VAC14: variants seen among roughly 807,000 people sequenced by gnomAD.
The protein encoded by VAC14 is VAC14 component of PIKFYVE complex.
In VAC14, 47 loss-of-function variants were observed where a neutral mutation model predicts 85.3. The observed-to-expected ratio is 0.55, with a 90% CI of 0.44 to 0.70. The LOEUF is 0.70. Among genes scored for constraint, VAC14 ranks in the 30% least tolerant of loss-of-function variants. The pLI, the probability that VAC14 is intolerant of heterozygous loss-of-function variation, is 0.00. For missense variants in VAC14, 861 were observed against 1,004.3 expected (o/e 0.86, Z 1.93); for synonymous variants, 447 against 430.5 (o/e 1.04, Z -0.47).
intron 10 of VAC14, chr16:70,768,839 C>A (rs530506142): frequency 2.2e-6 from 1 of 453,726 alleles, no homozygotes; most frequent in Non-Finnish European, 4.4e-6. Context: ...CTCGCTCTGT[C>A]ACCCAGGCTA....
chr16:70,800,616 G>T (rs2034746683), intron 1 of VAC14, among the ~76,000 whole-genome samples, 181 bp downstream of exon 1: 1 of 152,214 alleles, frequency 6.6e-6, no homozygotes, highest in African/African-American at 2.4e-5. Flanking sequence ...AAATCACACA[G>T]CCAGTCAGGA....
chr16:70,749,683 T>C (rs952077589), intron 12 of VAC14, among the ~76,000 whole-genome samples: 1 of 151,994 alleles, frequency 6.6e-6, no homozygotes, highest in Non-Finnish European at 1.5e-5. Flanking sequence ...GCCACCAAGA[T>C]GGAGGGCAAG....
At chr16:70,782,221 A>G (rs1310473897) in intron 7 of VAC14, among the ~76,000 whole-genome samples, 1 of 152,240 alleles carries the variant, frequency 6.6e-6, no homozygotes, top group Admixed American at 6.5e-5. Flanking sequence ...CTGTAAGGGC[A>G]GCCGCATCCC....
At chr16:70,700,548 G>A (rs892412909) in intron 14 of VAC14, among the ~76,000 whole-genome samples, 2 of 152,180 alleles carry the variant, frequency 1.3e-5, no homozygotes, top group Non-Finnish European at 2.9e-5. Flanking sequence ...CTGAGGACGA[G>A]GAACAAGCCA....
intron 14 of VAC14, among the ~76,000 whole-genome samples, chr16:70,727,899 A>G (rs954952028): frequency 5.3e-5 from 8 of 152,208 alleles, no homozygotes; most frequent in Admixed American, 2.0e-4. Flanking sequence ...CAGAGTGGGC[A>G]GCAGGTTCCC....
intron 10 of VAC14, chr16:70,769,938 C>T (rs1249703598): frequency 6.6e-6 from 1 of 152,342 alleles, no homozygotes; most frequent in Non-Finnish European, 1.5e-5. Context: ...CTGCCATTCC[C>T]ACTTGTGACA....
Position 70,800,918 on chromosome 16 carries a change from C to CCTCGCGACTCCTTAG in VAC14, c.-33_-19dup. On this transcript the variant is annotated 5_prime_UTR_variant, in exon 1 of 19. Coordinates refer to ENST00000261776, the MANE Select transcript of VAC14 (RefSeq NM_018052.5). ...GGGTTCATGGTGGCAGCTGGGGGAACCTCGCGACTCCTTAGCCCGCGGCTG... is the reference window on the plus strand; with the variant it reads ...GGGTTCATGGTGGCAGCTGGGGGAACCTCGCGACTCCTTAGCTCGCGACTCCTTAGCCCGCGGCTG... 5.1e-6 allele frequency: 8 copies of CCTCGCGACTCCTTAG among 1,557,538 alleles called. No individual in the cohort carries two copies. The highest frequency in any genetic ancestry group is 7.0e-6 in the Non-Finnish European group (8 of 1,149,846).
At position 70,801,119 on chromosome 16, in the gene VAC14, C is replaced by G. The variant is rs969413783; in HGVS notation, c.-219G>C. 4.6e-6 allele frequency: 2 copies of G among 433,598 alleles called. No individual in the cohort carries two copies. The highest frequency in any genetic ancestry group is 4.5e-5 in the Admixed American group (1 of 22,254). The allele number at this position is 433,598 out of a possible 1,614,324, so 26.9% of individuals were successfully genotyped here. ...GCCGCTTAACAACTCCCGCCCGGCA[C>G]TAGCGGGACTCACGAGACAGCGGCC... On this transcript the variant is annotated 5_prime_UTR_variant, in exon 1 of 19. Coordinates refer to ENST00000261776, the MANE Select transcript of VAC14 (RefSeq NM_018052.5).
intron 12 of VAC14, among the ~76,000 whole-genome samples, chr16:70,760,034 A>G (rs1405261923): frequency 6.6e-6 from 1 of 152,220 alleles, no homozygotes; most frequent in Non-Finnish European, 1.5e-5. Flanking sequence ...TGAAGGGTCT[A>G]GCGCGATTCC....
At chr16:70,725,395 A>G (rs992723199) in intron 14 of VAC14, among the ~76,000 whole-genome samples, 5 of 152,254 alleles carry the variant, frequency 3.3e-5, no homozygotes, top group African/African-American at 4.8e-5. Flanking sequence ...CGAGGCCAGC[A>G]AAGTGGAATT....
chr16:70,769,055 A>C (rs1398749525), intron 10 of VAC14: 1 of 246,992 alleles, frequency 4.0e-6, no homozygotes, highest in Non-Finnish European at 8.0e-6. Flanking sequence ...ACCTCAGGTG[A>C]TCCACCTGCC....
intron 12 of VAC14, among the ~76,000 whole-genome samples, chr16:70,753,953 G>A (rs935427550): frequency 6.6e-6 from 1 of 152,150 alleles, no homozygotes; most frequent in Admixed American, 6.5e-5. Context: ...CCCTGCCGCT[G>A]GGAGAGCCGC....
intron 14 of VAC14, among the ~76,000 whole-genome samples, chr16:70,717,387 C>T (rs1259673316): frequency 2.6e-5 from 4 of 152,232 alleles, no homozygotes; most frequent in Non-Finnish European, 5.9e-5. Context: ...GAGCCTTGAA[C>T]TTCTAGTTTT....
chr16:70,766,156 GAA>G (rs60494478), intron 10 of VAC14, among the ~76,000 whole-genome samples: 103 of 94,564 alleles, frequency 1.1e-3, no homozygotes, highest in African/African-American at 2.8e-3. Flanking sequence ...TGTCCCAAAA[GAA>G]AAAAAAAAAA....
intron 18 of VAC14, chr16:70,690,363 G>A (rs1251976831): frequency 8.1e-6 from 8 of 985,560 alleles, no homozygotes; most frequent in Non-Finnish European, 9.6e-6. Flanking sequence ...CACATCTTCT[G>A]TAGGTCCATA....
intron 1 of VAC14, among the ~76,000 whole-genome samples, chr16:70,794,980 T>TG (rs1407019414): frequency 6.6e-6 from 1 of 152,230 alleles, no homozygotes; most frequent in Non-Finnish European, 1.5e-5. Context: ...TCAGATATAT[T>TG]GGGGTACACA....
At chr16:70,752,163 AT>A (rs1567567532) in intron 12 of VAC14, among the ~76,000 whole-genome samples, 1 of 152,198 alleles carries the variant, frequency 6.6e-6, no homozygotes, top group Non-Finnish European at 1.5e-5. Flanking sequence ...GTGTTTAAAC[AT>A]TTTGCCACCT....
At chr16:70,780,018 ATTTTTTTTTT>A (rs368861697) in intron 9 of VAC14, among the ~76,000 whole-genome samples, 12 of 111,884 alleles carry the variant, frequency 1.1e-4, no homozygotes, top group Admixed American at 1.8e-4. Context: ...AATTTTTGTA[ATTTTTTTTTT>A]TTTTTTTTTT....
At chr16:70,733,636 CCT>C (rs1219719363) in intron 13 of VAC14, among the ~76,000 whole-genome samples, 1 of 152,016 alleles carries the variant, frequency 6.6e-6, no homozygotes. Flanking sequence ...GGGGCACCTT[CCT>C]CTTACTCTCT....
Sources: allele counts gnomAD v4.1 joint callset (sites outside exome capture counted in the v4.1 genomes callset), GRCh38; gene constraint gnomAD v4.1.1; transcripts MANE v1.5; gene names NCBI Gene and HGNC (gene_info 2026-07-23, HGNC 2026-07-21).